Variants in ERC1 observed in about 807,000 individuals in gnomAD.
The protein encoded by ERC1 is ELKS/RAB6-interacting/CAST family member 1.
A neutral mutation model predicts 132.0 loss-of-function variants in ERC1; 56 were observed. That is an observed-to-expected ratio of 0.42 (90% CI 0.34 to 0.53). ERC1 has a LOEUF of 0.53. Ranked by LOEUF, ERC1 falls within the 20% of genes least tolerant of loss-of-function variation. The pLI, the probability that ERC1 is intolerant of heterozygous loss-of-function variation, is 0.03. For missense variants in ERC1, 1,202 were observed against 1,349.9 expected, an observed-to-expected ratio of 0.89 and a Z score of 1.72; for synonymous variants, 478 against 476.1, an observed-to-expected ratio of 1.00 and a Z score of -0.05.
At chr12:1,449,565 G>T (rs1035070985) in intron 18 of ERC1, among the ~76,000 whole-genome samples, 1 of 152,074 alleles carries the variant, frequency 6.6e-6, no homozygotes, top group Non-Finnish European at 1.5e-5. Context: ...CACCATGATT[G>T]TAAGTTTCCT....
At chr12:1,160,751 T>G (rs1951811242) in intron 8 of ERC1, among the ~76,000 whole-genome samples, 1 of 152,126 alleles carries the variant, frequency 6.6e-6, no homozygotes, top group Non-Finnish European at 1.5e-5. Context: ...AAATTCCTTC[T>G]TCTTTAAATT....
chr12:1,155,687 G>C (rs1951320420), intron 8 of ERC1, among the ~76,000 whole-genome samples: 1 of 151,880 alleles, frequency 6.6e-6, no homozygotes, highest in Non-Finnish European at 1.5e-5. Flanking sequence ...CATGTTAGGT[G>C]GTCTCGATTT....
chr12:1,130,194 G>T (rs187378040), intron 7 of ERC1, among the ~76,000 whole-genome samples: 22 of 152,298 alleles, frequency 1.4e-4, no homozygotes, highest in African/African-American at 5.1e-4. Context: ...GAAATTGTAA[G>T]AAAGCGTAAA....
intron 6 of ERC1, among the ~76,000 whole-genome samples, chr12:1,114,600 A>G (rs1361541991): frequency 1.3e-5 from 2 of 152,210 alleles, no homozygotes; most frequent in African/African-American, 4.8e-5. Flanking sequence ...AATAGTGTTA[A>G]TGGGTTGTTT....
intron 1 of ERC1, among the ~76,000 whole-genome samples, chr12:1,013,013 G>A (rs1199937619): frequency 6.6e-6 from 1 of 152,142 alleles, no homozygotes; most frequent in Non-Finnish European, 1.5e-5. Context: ...CTTGTGAATA[G>A]ACGTTTGTGA....
intron 1 of ERC1, among the ~76,000 whole-genome samples, chr12:1,019,435 T>A (rs894033549): frequency 4.6e-5 from 7 of 152,226 alleles, no homozygotes; most frequent in African/African-American, 1.7e-4. Context: ...AAGACATTTT[T>A]AAAATGTGAG....
At chr12:1,041,489 G>T (rs1970209309) in intron 2 of ERC1, among the ~76,000 whole-genome samples, 1 of 152,154 alleles carries the variant, frequency 6.6e-6, no homozygotes, top group Non-Finnish European at 1.5e-5. Flanking sequence ...TTACAGGCGT[G>T]AGCCACCGTA....
intron 18 of ERC1, among the ~76,000 whole-genome samples, chr12:1,476,463 C>T (rs988002708): frequency 2.6e-5 from 4 of 152,188 alleles, no homozygotes; most frequent in South Asian, 4.1e-4. Context: ...TTAGAAGAAA[C>T]ATGATCTGGA....
chr12:1,256,329 T>A (rs1425671806), intron 13 of ERC1, among the ~76,000 whole-genome samples: 1 of 151,352 alleles, frequency 6.6e-6, no homozygotes, highest in African/African-American at 2.4e-5. Context: ...CTAGAAGCAG[T>A]TATAATGAAA....
intron 16 of ERC1, among the ~76,000 whole-genome samples, chr12:1,394,623 G>C (rs554820055): frequency 6.6e-6 from 1 of 152,200 alleles, no homozygotes; most frequent in African/African-American, 2.4e-5. Context: ...GAGTTCTCTT[G>C]AGATCTGATG....
intron 14 of ERC1, among the ~76,000 whole-genome samples, chr12:1,272,828 A>G (rs1337842839): frequency 6.6e-6 from 1 of 151,804 alleles, no homozygotes; most frequent in Admixed American, 6.6e-5. Context: ...GGTGCCCATA[A>G]TCCCAGCTAC....
rs2094326670 is a variant in ERC1 at position 1,492,534 on chromosome 12, C to T, written c.*2304C>T. 2 of 233,160 alleles carry T rather than the reference C, an allele frequency of 8.6e-6. No homozygotes were observed. The highest frequency in any genetic ancestry group is 1.7e-5 in the Non-Finnish European group (2 of 118,052). The allele number at this position is 233,160 out of a possible 1,614,324, so 14.4% of individuals were successfully genotyped here. ...CTTTCTCATCAGGTGCAGCGCCTGC[C>T]ACTCTCAGCCACTGGGTGTGTCACT... On this transcript the variant is annotated 3_prime_UTR_variant, in exon 19 of 19. Coordinates refer to ENST00000360905, the MANE Select transcript of ERC1 (RefSeq NM_178040.4).
chr12:1,112,554 CTG>C (rs1946007361), intron 6 of ERC1, among the ~76,000 whole-genome samples: 1 of 152,212 alleles, frequency 6.6e-6, no homozygotes, highest in African/African-American at 2.4e-5. Flanking sequence ...TTTTGTCACT[CTG>C]TGGATGGTAT....
At chr12:1,023,985 A>G (rs16932136) in intron 1 of ERC1, among the ~76,000 whole-genome samples, 14,146 of 152,238 alleles carry the variant, frequency 0.093, 1,013 homozygotes, top group African/African-American at 0.2. Flanking sequence ...GTTGCTGTCA[A>G]TGAACATGTG....
At chr12:1,202,312 G>A (rs1016003311) in intron 12 of ERC1, among the ~76,000 whole-genome samples, 1 of 152,114 alleles carries the variant, frequency 6.6e-6, no homozygotes, top group South Asian at 2.1e-4. Context: ...ATAAAGATTA[G>A]GATTACATAT....
At chr12:1,459,264 G>T (rs1289636821) in intron 18 of ERC1, among the ~76,000 whole-genome samples, 2 of 152,106 alleles carry the variant, frequency 1.3e-5, no homozygotes, top group Non-Finnish European at 2.9e-5. Context: ...TTGACATTAT[G>T]ATATTGCTGA....
chr12:1,333,067 C>CGTCCTGATCCTT (rs2082997770), intron 15 of ERC1, among the ~76,000 whole-genome samples: 3 of 147,900 alleles, frequency 2.0e-5, no homozygotes, highest in African/African-American at 7.4e-5. Context: ...TCCTGATCCT[C>CGTCCTGATCCTT]GTCCTGATCC....
At chr12:1,176,889 G>C (rs150786166) in intron 8 of ERC1, among the ~76,000 whole-genome samples, 133 of 152,328 alleles carry the variant, frequency 8.7e-4, no homozygotes, top group African/African-American at 3.1e-3. Context: ...CATTACTTTT[G>C]CACCAACCAA....
chr12:1,215,704 G>C (rs890053776), intron 12 of ERC1, among the ~76,000 whole-genome samples: 9 of 152,120 alleles, frequency 5.9e-5, no homozygotes, highest in Admixed American at 2.0e-4. Flanking sequence ...ATGAGTGCAT[G>C]TATGCTCTTA....
Sources: gnomAD v4.1 joint callset for allele counts (sites outside exome capture counted in the v4.1 genomes callset) on GRCh38, gnomAD v4.1.1 for gene constraint, MANE v1.5 for transcripts, NCBI Gene and HGNC (gene_info 2026-07-23, HGNC 2026-07-21) for gene names.